HM13: variants seen among roughly 807,000 people sequenced by gnomAD.
HM13 encodes signal peptide peptidase.
Under a neutral mutation model 50.0 loss-of-function variants are expected in HM13, and 18 were observed. That is an observed-to-expected ratio of 0.36 (90% CI 0.25 to 0.53). The LOEUF (loss-of-function observed/expected upper bound fraction) is 0.53, where lower values mean the gene tolerates loss of function less well. Among genes scored for constraint, HM13 ranks in the 20% least tolerant of loss-of-function variants. The pLI is 0.90. For synonymous variants in HM13, 197 were observed against 232.6 expected (o/e 0.85, Z 1.39); for missense variants, 393 against 552.4 (o/e 0.71, Z 2.89).
intron 8 of HM13, among the ~76,000 whole-genome samples, chr20:31,557,947 A>T (rs751050602): frequency 2.0e-5 from 3 of 152,042 alleles, no homozygotes; most frequent in Non-Finnish European, 4.4e-5. Context: ...ACCTCAGGTG[A>T]TCCGCCTGCC....
chr20:31,556,511 C>T (rs934094753), intron 8 of HM13, among the ~76,000 whole-genome samples: 9 of 152,170 alleles, frequency 5.9e-5, no homozygotes, highest in African/African-American at 2.2e-4. Context: ...CAGAGGCTTT[C>T]CCTGTTTTAC....
chr20:31,564,981 C>T (rs1231532322), intron 10 of HM13, among the ~76,000 whole-genome samples: 4 of 150,370 alleles, frequency 2.7e-5, no homozygotes, highest in Admixed American at 6.6e-5. Context: ...CTGGCCAACA[C>T]GGTGAAACCC....
At chr20:31,547,729 G>A in intron 4 of HM13, 1 of 1,123,576 alleles carries the variant, frequency 8.9e-7, no homozygotes, top group Non-Finnish European at 1.3e-6. Context: ...ACAAAGAAAG[G>A]GGCCTTTTTG....
intron 9 of HM13, among the ~76,000 whole-genome samples, chr20:31,560,893 A>G (rs1984566450): frequency 6.6e-6 from 1 of 152,182 alleles, no homozygotes; most frequent in Non-Finnish European, 1.5e-5. Flanking sequence ...TCATTCCACA[A>G]ATGTTAATTG....
chr20:31,566,264 C>T lies in HM13; in HGVS notation c.1003C>T (p.Leu335=). The part of the protein sequence containing the change: ...ACIGFPVLVA[L]AKGEVTEMFS... ...CATCGGTTTTCCTGTCCTGGTGGCG[C>T]TGGCCAAGGGAGAAGTGACAGAGAT... Residue 335 remains leucine, a synonymous_variant, in exon 11 of 13, where the codon CTG becomes TTG. Transcript: ENST00000398174. The T allele has an allele frequency of 6.2e-7, 1 of 1,614,070 alleles. No homozygotes were observed. Among genetic ancestry groups the T allele is most frequent in the Non-Finnish European group, 8.5e-7 (1 of 1,179,976 alleles).
intron 3 of HM13, among the ~76,000 whole-genome samples, chr20:31,543,034 C>T (rs1318448647): frequency 6.6e-6 from 1 of 152,158 alleles, no homozygotes; most frequent in African/African-American, 2.4e-5. Flanking sequence ...TTATCCATAC[C>T]TGCACTCACA....
intron 1 of HM13, among the ~76,000 whole-genome samples, chr20:31,520,452 TGCCACTAC>T (rs1289748092): frequency 6.6e-6 from 1 of 151,892 alleles, no homozygotes; most frequent in Non-Finnish European, 1.5e-5. Context: ...TACAGGCGCG[TGCCACTAC>T]GCCTGGCTAA....
At chr20:31,553,311 A>AG (rs1198555767) in intron 7 of HM13, among the ~76,000 whole-genome samples, 1 of 151,654 alleles carries the variant, frequency 6.6e-6, no homozygotes, top group East Asian at 1.9e-4. Flanking sequence ...AAAAAAAAAA[A>AG]AAATGTTGGC....
chr20:31,569,074 TCTC>T, intron 12 of HM13, 43 bp from the exon 13 acceptor site: 2 of 1,361,806 alleles, frequency 1.5e-6, no homozygotes, highest in Non-Finnish European at 2.0e-6. Context: ...CTGCTCACCC[TCTC>T]CTCTAAATGA....
intron 2 of HM13, among the ~76,000 whole-genome samples, chr20:31,531,133 C>T (rs8126000): frequency 0.017 from 2,512 of 152,152 alleles, 81 homozygotes; most frequent in African/African-American, 0.058. Flanking sequence ...CAACCTCCAC[C>T]TCCCAGGTTC....
intron 2 of HM13, among the ~76,000 whole-genome samples, chr20:31,534,271 G>A (rs1600634026): frequency 1.3e-5 from 2 of 152,144 alleles, no homozygotes; most frequent in South Asian, 2.1e-4. Context: ...ATACTCACAT[G>A]TTCTAGAGAA....
chr20:31,566,338 T>A, intron 11 of HM13, 43 bp downstream of exon 11: 3 of 1,522,914 alleles, frequency 2.0e-6, no homozygotes, highest in Non-Finnish European at 1.8e-6. Context: ...GGCACCAGTG[T>A]GCCTGCTGGC....
At chr20:31,554,617 G>C in intron 7 of HM13, 129 bp from the exon 8 acceptor site, 2 of 672,442 alleles carry the variant, frequency 3.0e-6, no homozygotes, top group South Asian at 3.6e-5. Flanking sequence ...AGGAGATGGA[G>C]CTTGCAGTGA....
chr20:31,553,231 G>A (rs969828986), intron 7 of HM13, among the ~76,000 whole-genome samples: 3 of 151,068 alleles, frequency 2.0e-5, no homozygotes, highest in Non-Finnish European at 1.5e-5. Flanking sequence ...GGGAGGCAGA[G>A]GTTGCAGTGA....
chr20:31,559,573 C>T, intron 8 of HM13, 38 bp from the exon 9 acceptor site: 1 of 1,611,218 alleles, frequency 6.2e-7, no homozygotes, highest in Non-Finnish European at 8.5e-7. Flanking sequence ...TGCCCTGCTG[C>T]TTCCCTGCCA....
intron 2 of HM13, chr20:31,535,641 A>AG: frequency 6.6e-6 from 1 of 152,220 alleles, no homozygotes; most frequent in Non-Finnish European, 1.5e-5. Flanking sequence ...GTCTGCTCAT[A>AG]GGTCTTTTTC....
rs150636757 is a variant in HM13 at position 31,549,110 on chromosome 20, G to A, written c.536G>A (p.Arg179Lys). The change falls in exon 5 of 13, where the codon AGG (arginine) becomes AAG (lysine). Residue 179 changes from arginine (R) to lysine (K), a missense_variant. Coordinates refer to ENST00000398174, the MANE Select transcript of HM13 (RefSeq NM_178581.3). ...ATCGTTGGCGTCTGGTACCTGCTGA[G>A]GAAGGTGAGTAGTCAGGACCTGGGC... ...SSIVGVWYLL[R>K]KHWIANNLFG... 242 of 1,613,930 alleles carry A rather than the reference G, an allele frequency of 1.5e-4. No homozygotes were observed. The highest frequency in any genetic ancestry group is 1.9e-4 in the Non-Finnish European group (226 of 1,179,944).
intron 8 of HM13, among the ~76,000 whole-genome samples, chr20:31,558,131 G>T (rs1984416919): frequency 6.6e-6 from 1 of 152,224 alleles, no homozygotes; most frequent in Admixed American, 6.5e-5. Flanking sequence ...GTGTTTTGGG[G>T]TTGCTTAGGC....
chr20:31,521,067 G>A (rs1008878926), intron 1 of HM13, among the ~76,000 whole-genome samples: 8 of 152,216 alleles, frequency 5.3e-5, no homozygotes, highest in Non-Finnish European at 1.2e-4. Context: ...TGTGTTTTAT[G>A]TTGCAGGATC....
Sources: gnomAD v4.1 joint callset for allele counts (sites outside exome capture counted in the v4.1 genomes callset) on GRCh38, gnomAD v4.1.1 for gene constraint, MANE v1.5 for transcripts, NCBI Gene and HGNC (gene_info 2026-07-23, HGNC 2026-07-21) for gene names.